The following FOXP2 variants were observed in gnomAD, a reference collection of about 807,000 sequenced individuals.
FOXP2 encodes the protein forkhead box protein P2.
Under a neutral mutation model 115.8 loss-of-function variants are expected in FOXP2, and 12 were observed. The ratio of observed to expected loss-of-function variants is 0.10; its 90% CI spans 0.07 to 0.17. The LOEUF is 0.17. Among genes scored for constraint, FOXP2 ranks in the 10% least tolerant of loss-of-function variants. FOXP2 has a pLI of 1.00. For missense variants in FOXP2, 629 were observed against 843.5 expected (o/e 0.75, Z 3.15); for synonymous variants, 328 against 297.7 (o/e 1.10, Z -1.05).
chr7:114,292,163 G>C (rs1208475433), intron 2 of FOXP2, among the ~76,000 whole-genome samples: 1 of 151,330 alleles, frequency 6.6e-6, no homozygotes, highest in Non-Finnish European at 1.5e-5. Flanking sequence ...CAAGTCACAG[G>C]TCCTGCCCAC....
intron 3 of FOXP2, among the ~76,000 whole-genome samples, chr7:114,544,889 A>T (rs1405922346): frequency 1.3e-5 from 2 of 152,190 alleles, no homozygotes; most frequent in Non-Finnish European, 2.9e-5. Context: ...TTCCGTAATC[A>T]ATAACAATCA....
chr7:114,594,873 A>G (rs528561695), intron 3 of FOXP2, among the ~76,000 whole-genome samples: 50 of 152,102 alleles, frequency 3.3e-4, no homozygotes, highest in African/African-American at 8.7e-4. Flanking sequence ...ATATTTTTTT[A>G]TATTCACTAG....
At chr7:114,356,867 G>T (rs1791629724) in intron 2 of FOXP2, among the ~76,000 whole-genome samples, 1 of 152,062 alleles carries the variant, frequency 6.6e-6, no homozygotes, top group African/African-American at 2.4e-5. Context: ...TAGAGAAATA[G>T]GGCTATTCCA....
intron 1 of FOXP2, among the ~76,000 whole-genome samples, chr7:114,145,434 T>TTCTTTTC (rs1562980320): frequency 4.9e-5 from 3 of 61,514 alleles, no homozygotes; most frequent in Non-Finnish European, 7.9e-5. Context: ...TTGCCATTTT[T>TTCTTTTC]TCTTTTCTTT....
rs1040144567 is a variant in FOXP2 at position 114,691,769 on chromosome 7, C to T, written c.*1843C>T. On this transcript the variant is annotated 3_prime_UTR_variant, in exon 17 of 17. Coordinates refer to ENST00000350908, the MANE Select transcript of FOXP2 (RefSeq NM_014491.4). ...ACGTTCCCGTTCCATGTGATGGAAC[C>T]GGTTCTTGCAAACTAAGCTCATCAT... The T allele has an allele frequency of 2.0e-5, 9 of 453,104 alleles. No homozygotes were observed. The highest frequency in any genetic ancestry group is 3.1e-5 in the Non-Finnish European group (7 of 226,310). The allele number at this position is 453,104 out of a possible 1,614,324, so 28.1% of individuals were successfully genotyped here. A position where few individuals can be genotyped will look rare whatever the true frequency, so the allele number is the denominator to read the frequency against.
intron 1 of FOXP2, among the ~76,000 whole-genome samples, chr7:114,097,913 T>C (rs1199286339): frequency 6.6e-6 from 1 of 152,252 alleles, no homozygotes; most frequent in East Asian, 1.9e-4. Flanking sequence ...AAACAAATAA[T>C]TGAAGAATCC....
intron 1 of FOXP2, among the ~76,000 whole-genome samples, chr7:114,136,640 G>GAATT (rs1792046123): frequency 6.6e-6 from 1 of 150,722 alleles, no homozygotes; most frequent in African/African-American, 2.4e-5. Flanking sequence ...TGTCTTTGAA[G>GAATT]AATTGTAAGG....
intron 2 of FOXP2, among the ~76,000 whole-genome samples, chr7:114,372,853 G>C (rs769690534): frequency 6.6e-6 from 1 of 152,078 alleles, no homozygotes; most frequent in Non-Finnish European, 1.5e-5. Flanking sequence ...ACATGTTTAA[G>C]TTAACCATGA....
chr7:114,091,906 T>C (rs895317872), intron 1 of FOXP2, among the ~76,000 whole-genome samples: 4 of 152,034 alleles, frequency 2.6e-5, no homozygotes, highest in African/African-American at 7.2e-5. Context: ...CAACTACTGC[T>C]TGAATTCAGC....
chr7:114,361,815 G>T (rs1487874813), intron 2 of FOXP2, among the ~76,000 whole-genome samples: 2 of 152,070 alleles, frequency 1.3e-5, no homozygotes, highest in African/African-American at 4.8e-5. Context: ...GTGGCTTATG[G>T]AATGCATTTT....
intron 6 of FOXP2, among the ~76,000 whole-genome samples, chr7:114,639,559 T>C (rs1584980471): frequency 7.6e-6 from 1 of 131,776 alleles, no homozygotes; most frequent in African/African-American, 2.9e-5. Flanking sequence ...AGTTAAGGAA[T>C]GCTAGAAGGG....
intron 1 of FOXP2, among the ~76,000 whole-genome samples, chr7:114,088,886 C>T (rs1391398105): frequency 1.3e-5 from 2 of 152,074 alleles, no homozygotes; most frequent in Non-Finnish European, 2.9e-5. Flanking sequence ...ATTATATAAA[C>T]TGTGATCGTT....
At chr7:114,299,175 T>C (rs1227983117) in intron 2 of FOXP2, among the ~76,000 whole-genome samples, 1 of 152,130 alleles carries the variant, frequency 6.6e-6, no homozygotes, top group Non-Finnish European at 1.5e-5. Context: ...ATACAATATA[T>C]CATTCAAGAT....
Position 114,321,360 on chromosome 7 carries a change from G to A in FOXP2, c.-11+33251G>A, listed in dbSNP as rs574756478. On this transcript the variant is annotated intron_variant, in intron 2 of 17. Coordinates refer to the FOXP2 transcript ENST00000634411. ...ACTACAAGTGCCCGCCACCACGCCC[G>A]GCTAATTTTTTGTATTTTTAGTAGA... Among the ~76,000 whole-genome samples the A allele has an allele frequency of 2.9e-4, 44 of 151,780 alleles. 1 individual carries two copies. In the East Asian group the frequency reaches 8.2e-3, roughly 28 times the overall value.
intron 2 of FOXP2, among the ~76,000 whole-genome samples, chr7:114,449,317 A>T (rs1794968894): frequency 6.6e-6 from 1 of 152,138 alleles, no homozygotes; most frequent in South Asian, 2.1e-4. Context: ...AAATGTATAA[A>T]ATGTTGTATT....
chr7:114,600,946 T>G (rs959851546), intron 3 of FOXP2, among the ~76,000 whole-genome samples: 2 of 151,514 alleles, frequency 1.3e-5, no homozygotes, highest in African/African-American at 2.4e-5. Context: ...TCTTGGCTTG[T>G]CTTGTCAGTA....
At chr7:114,473,036 T>G (rs1796115868) in intron 2 of FOXP2, among the ~76,000 whole-genome samples, 1 of 152,220 alleles carries the variant, frequency 6.6e-6, no homozygotes, top group African/African-American at 2.4e-5. Flanking sequence ...AACCTTCGTA[T>G]TAACCACACT....
intron 1 of FOXP2, among the ~76,000 whole-genome samples, chr7:114,100,279 A>T (rs1799748906): frequency 6.6e-6 from 1 of 152,110 alleles, no homozygotes; most frequent in African/African-American, 2.4e-5. Context: ...TTCTTCACTT[A>T]TTCTTTATGT....
chr7:114,221,458 C>A (rs897833104), intron 1 of FOXP2, among the ~76,000 whole-genome samples: 2 of 151,984 alleles, frequency 1.3e-5, no homozygotes, highest in Admixed American at 1.3e-4. Flanking sequence ...ATACTTAGAT[C>A]CAAAAGAGCC....
Sources: allele counts gnomAD v4.1 joint callset (sites outside exome capture counted in the v4.1 genomes callset), GRCh38; gene constraint gnomAD v4.1.1; transcripts MANE v1.5; gene names NCBI Gene and HGNC (gene_info 2026-07-23, HGNC 2026-07-21).